Variants in NFIX observed in about 807,000 individuals in gnomAD.
The protein encoded by NFIX is nuclear factor I X.
In NFIX, 2 loss-of-function variants were observed where a neutral mutation model predicts 53.3. That is an observed-to-expected ratio of 0.04 (90% CI 0.02 to 0.12). The LOEUF is 0.12. Among genes scored for constraint, NFIX ranks in the 10% least tolerant of loss-of-function variants. The pLI is 1.00. For missense variants in NFIX, 310 were observed against 674.5 expected (o/e 0.46, Z 5.99); for synonymous variants, 244 against 289.0 (o/e 0.84, Z 1.58).
chr19:13,019,721 T>TG (rs200297770), intron 1 of NFIX, among the ~76,000 whole-genome samples: 6 of 143,806 alleles, frequency 4.2e-5, no homozygotes, highest in African/African-American at 1.6e-4. Context: ...GGTTTTTTTT[T>TG]TGTTTGTTTG....
intron 1 of NFIX, among the ~76,000 whole-genome samples, chr19:13,020,432 A>G (rs2012906411): frequency 6.6e-6 from 1 of 152,128 alleles, no homozygotes; most frequent in African/African-American, 2.4e-5. Context: ...AGAAATAGAG[A>G]AAGAGACCTT....
At chr19:13,042,899 G>A (rs562190817) in intron 2 of NFIX, among the ~76,000 whole-genome samples, 4 of 152,164 alleles carry the variant, frequency 2.6e-5, no homozygotes, top group South Asian at 2.1e-4. Context: ...AAGGCTCTTC[G>A]TCCATCCTGT....
chr19:13,061,502 C>T (rs1052958698), intron 2 of NFIX, among the ~76,000 whole-genome samples: 2 of 152,214 alleles, frequency 1.3e-5, no homozygotes, highest in Non-Finnish European at 2.9e-5. Context: ...GGCCGCGCCC[C>T]GCCGCAGCCC....
intron 2 of NFIX, among the ~76,000 whole-genome samples, chr19:13,038,995 CTG>C (rs1005022995): frequency 6.6e-6 from 1 of 152,172 alleles, no homozygotes; most frequent in Non-Finnish European, 1.5e-5. Context: ...AAAGGGGACT[CTG>C]TGGGGAACAG....
chr19:13,020,157 C>T (rs1392541850), intron 1 of NFIX, among the ~76,000 whole-genome samples: 2 of 152,140 alleles, frequency 1.3e-5, no homozygotes, highest in Non-Finnish European at 2.9e-5. Context: ...TGATCTCCTG[C>T]CTGGGGCTGG....
At position 13,068,280 on chromosome 19, in the gene NFIX, G is replaced by C. The variant is rs2016556108; in HGVS notation, c.560-4767G>C. ...TGCCTGCAAACAGCAGAAGGAAGAGGGGGGTGCTGAAGAGGTGAGGGGGAG... is the reference window on the plus strand; with the variant it reads ...TGCCTGCAAACAGCAGAAGGAAGAGCGGGGTGCTGAAGAGGTGAGGGGGAG... On this transcript the variant is annotated intron_variant, in intron 2 of 10. Transcript: ENST00000592199. This position sits in a 1 kb window ranked among gnomAD's most constrained non-coding sequence, Gnocchi z 4.2. Among the ~76,000 whole-genome samples the C allele has an allele frequency of 6.6e-6, 1 of 152,236 alleles. No individual in the cohort carries two copies. Among genetic ancestry groups the C allele is most frequent in the Non-Finnish European group, 1.5e-5 (1 of 68,016 alleles).
chr19:13,029,133 C>T (rs959221029), intron 2 of NFIX, among the ~76,000 whole-genome samples: 2 of 152,176 alleles, frequency 1.3e-5, no homozygotes, highest in African/African-American at 4.8e-5. Context: ...GTACCCACCA[C>T]TAGTGCCAGC....
At chr19:13,077,194 T>C (rs2017159874) in intron 6 of NFIX, among the ~76,000 whole-genome samples, 1 of 152,100 alleles carries the variant, frequency 6.6e-6, no homozygotes, top group African/African-American at 2.4e-5. Context: ...TGGGCTCCTG[T>C]GCCCAGACCT....
chr19:13,018,021 C>A (rs1269414606), intron 1 of NFIX, among the ~76,000 whole-genome samples: 1 of 152,244 alleles, frequency 6.6e-6, no homozygotes, highest in Admixed American at 6.5e-5. Flanking sequence ...GAGAAGAGAG[C>A]TTTGGCCTTC....
In NFIX at chr19:13,025,623, C is replaced by T; in HGVS notation, c.559+71C>T. ...CTGGCATTTGTTCTGTTTATTGTTC[C>T]TCTAATTTCCAAGCGATAACTCGCC... On this transcript the variant is annotated intron_variant, in intron 2 of 10. Coordinates refer to ENST00000592199, the MANE Select transcript of NFIX (RefSeq NM_001365902.3). This position sits in a 1 kb window ranked among gnomAD's most constrained non-coding sequence, Gnocchi z 7.5. The T allele has an allele frequency of 6.5e-7, 1 of 1,534,926 alleles. No individual in the cohort carries two copies. Among genetic ancestry groups the T allele is most frequent in the Admixed American group, 1.8e-5 (1 of 56,474 alleles).
intron 2 of NFIX, among the ~76,000 whole-genome samples, chr19:13,041,397 T>C (rs1035857039): frequency 1.4e-4 from 21 of 152,358 alleles, no homozygotes; most frequent in South Asian, 6.2e-4. Context: ...ATTATGCCAC[T>C]GAAATAACTG....
intron 2 of NFIX, among the ~76,000 whole-genome samples, chr19:13,056,185 C>T (rs573674606): frequency 2.6e-5 from 4 of 152,130 alleles, no homozygotes; most frequent in African/African-American, 9.7e-5. Flanking sequence ...GGGAAGCAGG[C>T]GGGCAGGGGG....
At chr19:13,008,965 G>A (rs368026036) in intron 1 of NFIX, among the ~76,000 whole-genome samples, 4 of 152,188 alleles carry the variant, frequency 2.6e-5, no homozygotes, top group South Asian at 2.1e-4. Flanking sequence ...CCCCATCCTC[G>A]CTGTAGCCAG....
In NFIX at chr19:13,012,613, C is replaced by T. The variant is rs1599718569; in HGVS notation, c.28-12408C>T. Among the ~76,000 whole-genome samples, 2 of 152,362 alleles carry T rather than the reference C, an allele frequency of 1.3e-5. 1 individual carries two copies. The highest frequency in any genetic ancestry group is 4.1e-4 in the South Asian group (2 of 4,830). On this transcript the variant is annotated intron_variant, in intron 1 of 10. Transcript: ENST00000592199. This position sits in a 1 kb window ranked among gnomAD's most constrained non-coding sequence, Gnocchi z 5.0. Reference sequence around the variant, plus strand: ...GCGCGCGGGGGTTGGGGGTTCAGGGCCGCCTGTGCCTCAGTTTCTCTCCTC... The same window carrying T: ...GCGCGCGGGGGTTGGGGGTTCAGGGTCGCCTGTGCCTCAGTTTCTCTCCTC...
chr19:13,069,134 A>G (rs1044708228), intron 2 of NFIX, among the ~76,000 whole-genome samples: 2 of 152,126 alleles, frequency 1.3e-5, no homozygotes, highest in African/African-American at 4.8e-5. Flanking sequence ...GGCGAGGGGA[A>G]GCAGCAGCAC....
intron 7 of NFIX, among the ~76,000 whole-genome samples, chr19:13,079,216 C>G (rs900877610): frequency 6.6e-6 from 1 of 152,240 alleles, no homozygotes; most frequent in Non-Finnish European, 1.5e-5. Flanking sequence ...AGCCCAGGCT[C>G]CTGCGGCAAG....
chr19:13,054,165 C>T (rs1465291657), intron 2 of NFIX, among the ~76,000 whole-genome samples: 1 of 152,174 alleles, frequency 6.6e-6, no homozygotes, highest in Non-Finnish European at 1.5e-5. Context: ...CAGATCTGGA[C>T]AGAGAAGGGA....
Position 13,089,064 on chromosome 19 carries a change from C to T in NFIX, c.1402+928C>T, listed in dbSNP as rs774168800. On this transcript the variant is annotated intron_variant, in intron 9 of 10. Coordinates refer to ENST00000592199, the MANE Select transcript of NFIX (RefSeq NM_001365902.3). This position sits in a 1 kb window ranked among gnomAD's most constrained non-coding sequence, Gnocchi z 4.8. ...GGGGTGGCCCATCTCACACTGCTCT[C>T]CGCTCGCTTTGTCTCTCCTCCTTTC... 4.6e-5 allele frequency among the ~76,000 whole-genome samples: 7 copies of T among 152,112 alleles called. No individual in the cohort carries two copies. The highest frequency in any genetic ancestry group is 8.8e-5 in the Non-Finnish European group (6 of 68,012).
Position 13,090,211 on chromosome 19 carries a change from C to A in NFIX, c.1403-88C>A. On this transcript the variant is annotated intron_variant, in intron 9 of 10. Transcript: ENST00000592199. This position sits in a 1 kb window ranked among gnomAD's most constrained non-coding sequence, Gnocchi z 6.6. ...CGGGCAGCATGGTCTAACTCAGTCT[C>A]TCCCTCTCTCAGCAGCCCCGAGGGG... 1 of 1,247,168 alleles carries A rather than the reference C, an allele frequency of 8.0e-7. No homozygotes were observed. Among genetic ancestry groups the A allele is most frequent in the Non-Finnish European group, 1.2e-6 (1 of 847,754 alleles). 77.3% of individuals were successfully genotyped at this position (1,247,168 alleles called of 1,614,324 possible).
Sources: gnomAD v4.1 joint callset for allele counts (sites outside exome capture counted in the v4.1 genomes callset) on GRCh38, gnomAD v4.1.1 for gene constraint, Gnocchi (gnomAD v3.1) non-coding constraint, MANE v1.5 for transcripts, NCBI Gene and HGNC (gene_info 2026-07-23, HGNC 2026-07-21) for gene names.